MSTO1: variants seen among roughly 807,000 people sequenced by gnomAD.
MSTO1 encodes protein misato homolog 1.
A neutral mutation model predicts 55.7 loss-of-function variants in MSTO1; 24 were observed. The observed-to-expected ratio is 0.43, with a 90% confidence interval of 0.31 to 0.61. The LOEUF (loss-of-function observed/expected upper bound fraction) is 0.61. MSTO1 is among the 20% of genes least tolerant of loss of function. The pLI, the probability that MSTO1 is intolerant of heterozygous loss-of-function variation, is 0.09. For missense variants in MSTO1, 363 were observed against 625.7 expected, an observed-to-expected ratio of 0.58 and a Z score of 4.48; for synonymous variants, 162 against 252.8, an observed-to-expected ratio of 0.64 and a Z score of 3.41.
At chr1:155,565,163 G>T in the MSTO1 span, among the ~76,000 whole-genome samples, 1 of 151,502 alleles carries the variant, frequency 6.6e-6, no homozygotes, top group Admixed American at 6.6e-5. Flanking sequence ...TGGGCATGGT[G>T]GAGCGCCTGT....
the MSTO1 span, among the ~76,000 whole-genome samples, chr1:155,581,335 T>C: frequency 1.3e-5 from 2 of 152,148 alleles, no homozygotes; most frequent in Non-Finnish European, 2.9e-5. Context: ...TTGAGGCAGA[T>C]AATGGGGAAA....
rs1674217018 is a variant in MSTO1 at position 155,612,074 on chromosome 1, T to C, written c.652T>C (p.Tyr218His). Residue 218 changes from tyrosine (Y) to histidine (H), a missense_variant, in exon 7 of 14, where the codon TAC becomes CAC. By Grantham distance (83) the Tyr-to-His change is moderately conservative. This residue lies in a region of MSTO1 where 94 missense variants were observed against 212.4 expected (regional missense o/e 0.44). Coordinates refer to ENST00000245564, the MANE Select transcript of MSTO1 (RefSeq NM_018116.4). ...AGAGCTGGAGGACAGGCTGCATTTC[T>C]ACGTGGAGGAATGTGACTACTTGCA... ...QEELEDRLHF[Y>H]VEECDYLQGF... 2 of 1,610,248 alleles carry C rather than the reference T, an allele frequency of 1.2e-6. No homozygotes were observed. Among genetic ancestry groups the C allele is most frequent in the East Asian group, 2.2e-5 (1 of 44,750 alleles).
chr1:155,609,270 G>T (rs1673314528), upstream of MSTO1, among the ~76,000 whole-genome samples: 1 of 81,322 alleles, frequency 1.2e-5, no homozygotes, highest in Non-Finnish European at 2.2e-5. Context: ...TTTTGAGACA[G>T]AGTCTCGCTC....
the MSTO1 span, chr1:155,563,280 A>C: frequency 2.2e-6 from 1 of 456,308 alleles, no homozygotes; most frequent in Non-Finnish European, 4.4e-6. Flanking sequence ...AGCTGGTCGC[A>C]GGCGGTGTGT....
At chr1:155,563,544 C>T in the MSTO1 span, 7 of 456,302 alleles carry the variant, frequency 1.5e-5, no homozygotes, top group Non-Finnish European at 2.6e-5. Flanking sequence ...GAATTTCACA[C>T]CACTGTCCAT....
At chr1:155,598,046 G>C in the MSTO1 span, among the ~76,000 whole-genome samples, 1 of 151,868 alleles carries the variant, frequency 6.6e-6, no homozygotes. Context: ...TCAAACTCCT[G>C]ACCTCAGATG....
chr1:155,588,140 C>T, the MSTO1 span, among the ~76,000 whole-genome samples: 2 of 145,662 alleles, frequency 1.4e-5, no homozygotes, highest in Non-Finnish European at 3.0e-5. Context: ...GCCTGGGAGG[C>T]GGAGGTTGCA....
At chr1:155,587,654 G>A in the MSTO1 span, among the ~76,000 whole-genome samples, 1 of 150,554 alleles carries the variant, frequency 6.6e-6, no homozygotes, top group East Asian at 2.0e-4. Flanking sequence ...TGAGGCAGGA[G>A]AATGGCGTGA....
At chr1:155,587,439 CAAAAA>C in the MSTO1 span, among the ~76,000 whole-genome samples, 1 of 52,676 alleles carries the variant, frequency 1.9e-5, no homozygotes, top group African/African-American at 8.2e-5. Context: ...GACTACGTCT[CAAAAA>C]AAAAAAAAAA....
At chr1:155,607,686 T>C (rs971024770), upstream of MSTO1, among the ~76,000 whole-genome samples, 1 of 152,220 alleles carries the variant, frequency 6.6e-6, no homozygotes, top group Non-Finnish European at 1.5e-5. Context: ...ATAGAAACTT[T>C]TCAGCCCACA....
the MSTO1 span, among the ~76,000 whole-genome samples, chr1:155,575,685 C>A: frequency 6.6e-6 from 1 of 151,890 alleles, no homozygotes; most frequent in East Asian, 1.9e-4. Context: ...CATAAGCAAT[C>A]CTTCTGCCTC....
At position 155,613,484 on chromosome 1, in the gene MSTO1, C is replaced by G; in HGVS notation, c.1306C>G (p.Pro436Ala). 6.2e-7 allele frequency: 1 copy of G among 1,614,018 alleles called. No homozygotes were observed. Among genetic ancestry groups the G allele is most frequent in the Non-Finnish European group, 8.5e-7 (1 of 1,179,962 alleles). The change falls in exon 12 of 14, where the codon CCA (proline) becomes GCA (alanine). Residue 436 changes from proline to alanine, a missense_variant. By Grantham distance (27) the Pro-to-Ala change is conservative. This residue lies in a region of MSTO1 where 231 missense variants were observed against 286.9 expected (regional missense o/e 0.81). Transcript: ENST00000245564. ...CAGCCAGCTCACCCCAGGGACACCT[C>G]CACCCTCTGCCCTTCATGCATGTAC... is the stretch of plus-strand genomic sequence containing the variant. ...HTSQLTPGTP[P>A]PSALHACTTG...
chr1:155,594,555 C>T, the MSTO1 span, among the ~76,000 whole-genome samples: 1 of 151,960 alleles, frequency 6.6e-6, no homozygotes, highest in African/African-American at 2.4e-5. Context: ...TCACAGTGGC[C>T]TTGTCATGCT....
At chr1:155,570,554 C>T in the MSTO1 span, among the ~76,000 whole-genome samples, 2 of 152,230 alleles carry the variant, frequency 1.3e-5, no homozygotes, top group South Asian at 4.1e-4. Flanking sequence ...TTCACTTTAT[C>T]TTATCTTATA....
the MSTO1 span, among the ~76,000 whole-genome samples, chr1:155,576,707 G>A: frequency 6.6e-6 from 1 of 150,384 alleles, no homozygotes; most frequent in Non-Finnish European, 1.5e-5. Context: ...ATTTACTCCT[G>A]TATTTTCTGC....
the MSTO1 span, chr1:155,601,984 G>A: frequency 1.8e-5 from 7 of 398,142 alleles, no homozygotes; most frequent in Non-Finnish European, 3.5e-5. Context: ...TCGATCTCCT[G>A]ACCTCGTGAT....
the MSTO1 span, among the ~76,000 whole-genome samples, chr1:155,592,219 A>G: frequency 6.6e-6 from 1 of 152,166 alleles, no homozygotes. Context: ...TGTCTTTCAA[A>G]ACGGCTTTGC....
chr1:155,565,484 T>C, the MSTO1 span, among the ~76,000 whole-genome samples: 1 of 152,186 alleles, frequency 6.6e-6, no homozygotes, highest in Non-Finnish European at 1.5e-5. Context: ...AAGAGAAGCC[T>C]GAGGCCCAGA....
chr1:155,590,739 C>G, the MSTO1 span: 2 of 1,594,176 alleles, frequency 1.3e-6, no homozygotes, highest in Non-Finnish European at 1.7e-6. Flanking sequence ...TGCCACCCAG[C>G]AACAAAAGGC....
Sources: allele counts gnomAD v4.1 joint callset (sites outside exome capture counted in the v4.1 genomes callset), GRCh38; gene constraint gnomAD v4.1.1; regional missense constraint gnomAD v4.1.1; transcripts MANE v1.5; gene names NCBI Gene and HGNC (gene_info 2026-07-23, HGNC 2026-07-21).